SUMF1: variants seen among roughly 807,000 people sequenced by gnomAD.
SUMF1 encodes sulfatase modifying factor 1.
SUMF1 carries 48 observed loss-of-function variants against 47.6 expected under a neutral mutation model. That is an observed-to-expected ratio of 1.01 (90% CI 0.80 to 1.28). The LOEUF (loss-of-function observed/expected upper bound fraction) is 1.28. SUMF1 is among the 50% of genes most tolerant of loss of function. SUMF1 has a pLI of 0.00. For missense variants in SUMF1, 571 were observed against 485.4 expected, an observed-to-expected ratio of 1.18 and a Z score of -1.66; for synonymous variants, 230 against 192.1, an observed-to-expected ratio of 1.20 and a Z score of -1.63.
chr3:4,221,249 T>C (rs953226261), intron 8 of SUMF1, among the ~76,000 whole-genome samples: 17 of 152,156 alleles, frequency 1.1e-4, no homozygotes, highest in African/African-American at 4.1e-4. Flanking sequence ...AGTACTAAGA[T>C]GAACAACACA....
At position 4,301,378 on chromosome 3, in the gene SUMF1, T is replaced by C. The variant is rs928652376; in HGVS notation, c.1014+74952A>G. ...CCTCAAAGGCTCATAAGACAGAATA[T>C]AGAAGGTAAACTTTGAGAGAAAATG... On this transcript the variant is annotated intron_variant and NMD_transcript_variant, in intron 8 of 12. Transcript: ENST00000448413. Among the ~76,000 whole-genome samples, 10 of 152,108 alleles carry C rather than the reference T, an allele frequency of 6.6e-5. No individual in the cohort carries two copies. The East Asian group carries it at 1.7e-3, about 26-fold the overall frequency.
At chr3:4,054,624 C>T (rs1695161927) in intron 9 of SUMF1, among the ~76,000 whole-genome samples, 1 of 152,132 alleles carries the variant, frequency 6.6e-6, no homozygotes, top group South Asian at 2.1e-4. Flanking sequence ...AAGAGCATGC[C>T]TGTTCTCAGT....
At chr3:4,311,262 C>T (rs1301285601) in intron 8 of SUMF1, among the ~76,000 whole-genome samples, 1 of 152,186 alleles carries the variant, frequency 6.6e-6, no homozygotes, top group African/African-American at 2.4e-5. Flanking sequence ...GAGGCCTCCA[C>T]AGGGAGTATA....
intron 8 of SUMF1, among the ~76,000 whole-genome samples, chr3:4,108,695 T>C (rs1693216521): frequency 6.6e-6 from 1 of 152,126 alleles, no homozygotes; most frequent in Admixed American, 6.5e-5. Context: ...CTTTGTCTCT[T>C]TTGATCTTTG....
intron 8 of SUMF1, among the ~76,000 whole-genome samples, chr3:4,177,295 C>T (rs1694988019): frequency 6.6e-6 from 1 of 152,102 alleles, no homozygotes; most frequent in South Asian, 2.1e-4. Context: ...GGAAGTAAAG[C>T]ACTCCTCAGC....
intron 8 of SUMF1, among the ~76,000 whole-genome samples, chr3:4,215,303 T>C (rs1424554085): frequency 6.6e-6 from 1 of 152,190 alleles, no homozygotes; most frequent in Non-Finnish European, 1.5e-5. Flanking sequence ...AACAACATGA[T>C]TATCTCAATA....
chr3:4,256,376 G>A (rs313654), intron 8 of SUMF1, among the ~76,000 whole-genome samples: 32,915 of 84,054 alleles, frequency 0.39, 7,072 homozygotes, highest in Middle Eastern at 0.45. Context: ...TAGCAAGACT[G>A]ATAAAGAAAA....
chr3:4,447,175 T>C (rs1226849591), intron 3 of SUMF1, among the ~76,000 whole-genome samples: 1 of 152,050 alleles, frequency 6.6e-6, no homozygotes, highest in African/African-American at 2.4e-5. Flanking sequence ...TTTGTCTTAT[T>C]TTACCAAAAA....
At chr3:4,264,927 A>G (rs1159514797) in intron 8 of SUMF1, among the ~76,000 whole-genome samples, 1 of 152,146 alleles carries the variant, frequency 6.6e-6, no homozygotes, top group Non-Finnish European at 1.5e-5. Flanking sequence ...TGAGATCAGG[A>G]GATCTAGACC....
At chr3:4,174,334 T>A (rs1261407635) in intron 8 of SUMF1, among the ~76,000 whole-genome samples, 1 of 124,404 alleles carries the variant, frequency 8.0e-6, no homozygotes, top group Non-Finnish European at 1.6e-5. Context: ...CCAGCCTGGG[T>A]GACAGAGCGA....
intron 9 of SUMF1, among the ~76,000 whole-genome samples, chr3:4,037,406 C>G (rs1694818861): frequency 6.6e-6 from 1 of 152,134 alleles, no homozygotes; most frequent in Non-Finnish European, 1.5e-5. Context: ...TCCCAGAAAA[C>G]ATAAATGGCC....
chr3:4,120,998 G>A (rs1026500140), intron 8 of SUMF1, among the ~76,000 whole-genome samples: 1 of 152,118 alleles, frequency 6.6e-6, no homozygotes, highest in Non-Finnish European at 1.5e-5. Flanking sequence ...GCTGATAACA[G>A]ATAGGAAATA....
chr3:4,154,117 T>C (rs1694400130), intron 8 of SUMF1, among the ~76,000 whole-genome samples: 1 of 151,534 alleles, frequency 6.6e-6, no homozygotes, highest in Non-Finnish European at 1.5e-5. Context: ...CCAGAAAGGT[T>C]TCTCAGAGGA....
chr3:4,195,356 A>G (rs1695405890), intron 8 of SUMF1, among the ~76,000 whole-genome samples: 1 of 152,058 alleles, frequency 6.6e-6, no homozygotes, highest in African/African-American at 2.4e-5. Context: ...CCAAGGGAAG[A>G]GCAATAAAAT....
chr3:4,113,276 C>T (rs551384830), intron 8 of SUMF1, among the ~76,000 whole-genome samples: 2 of 152,156 alleles, frequency 1.3e-5, no homozygotes, highest in South Asian at 2.1e-4. Context: ...TACCTGTAAT[C>T]TCAATACTTT....
At chr3:4,227,111 A>G (rs532869159) in intron 8 of SUMF1, among the ~76,000 whole-genome samples, 13 of 152,192 alleles carry the variant, frequency 8.5e-5, no homozygotes, top group African/African-American at 2.6e-4. Flanking sequence ...TGATTCTACC[A>G]ATCATTCAAA....
downstream of SUMF1, among the ~76,000 whole-genome samples, chr3:4,360,132 G>A (rs1309710018): frequency 6.6e-6 from 1 of 150,632 alleles, no homozygotes; most frequent in Non-Finnish European, 1.5e-5. Flanking sequence ...AAAACAAACT[G>A]TACTGGAGTA....
At chr3:4,243,644 C>A (rs1286692424) in intron 8 of SUMF1, among the ~76,000 whole-genome samples, 1 of 152,126 alleles carries the variant, frequency 6.6e-6, no homozygotes, top group Non-Finnish European at 1.5e-5. Context: ...GTTGTGATTT[C>A]TGTTCTTTTA....
At chr3:4,262,572 G>A (rs1386739535) in intron 8 of SUMF1, among the ~76,000 whole-genome samples, 1 of 152,152 alleles carries the variant, frequency 6.6e-6, no homozygotes, top group Non-Finnish European at 1.5e-5. Flanking sequence ...TTTCCCCCAT[G>A]TGGCTCCATT....
Sources: gnomAD v4.1 joint callset for allele counts (sites outside exome capture counted in the v4.1 genomes callset) on GRCh38, gnomAD v4.1.1 for gene constraint, MANE v1.5 for transcripts, NCBI Gene and HGNC (gene_info 2026-07-23, HGNC 2026-07-21) for gene names.